Variants in MYO16 observed in about 807,000 individuals in gnomAD.
MYO16 encodes myosin XVI, also known as unconventional myosin-XVI.
MYO16 carries 94 observed loss-of-function variants against 205.3 expected under a neutral mutation model. The ratio of observed to expected loss-of-function variants is 0.46; its 90% CI spans 0.39 to 0.54. The LOEUF (loss-of-function observed/expected upper bound fraction) is 0.54. Among genes scored for constraint, MYO16 ranks in the 20% least tolerant of loss-of-function variants. The pLI, the probability that MYO16 is intolerant of heterozygous loss-of-function variation, is 0.00. For missense variants in MYO16, 2,315 were observed against 2,387.5 expected (o/e 0.97, Z 0.63); for synonymous variants, 988 against 954.0 (o/e 1.04, Z -0.66).
rs1040628753 is a variant in MYO16, at chr13:108,977,616, C to T, written c.2369+12714C>T. Among the ~76,000 whole-genome samples, 6 of 152,186 alleles carry T rather than the reference C, an allele frequency of 3.9e-5. No individual in the cohort carries two copies. In the East Asian group the frequency reaches 1.2e-3, roughly 29 times the overall value. On this transcript the variant is annotated intron_variant, in intron 20 of 34. Transcript: ENST00000457511. ...TTAAAAAAAACCTTTAAATTTTCAG[C>T]ACAGCAGGAAAATTATTGTGTATGT...
chr13:108,890,106 T>A (rs1033116963), intron 14 of MYO16, among the ~76,000 whole-genome samples: 11 of 135,748 alleles, frequency 8.1e-5, no homozygotes, highest in African/African-American at 3.1e-4. Flanking sequence ...ATTTTTGTAT[T>A]TTTTTTTTTT....
chr13:108,817,493 T>G (rs184958470), intron 7 of MYO16, among the ~76,000 whole-genome samples: 116 of 149,116 alleles, frequency 7.8e-4, no homozygotes, highest in African/African-American at 2.8e-3. Context: ...CACTGTGTTT[T>G]CTTGTATGGG....
chr13:108,816,623 G>A (rs1300543027), intron 7 of MYO16, among the ~76,000 whole-genome samples: 1 of 152,144 alleles, frequency 6.6e-6, no homozygotes, highest in Non-Finnish European at 1.5e-5. Flanking sequence ...AATGTCACCT[G>A]ATAATTAACT....
intron 20 of MYO16, among the ~76,000 whole-genome samples, chr13:108,969,316 T>C (rs1253919367): frequency 6.6e-6 from 1 of 152,258 alleles, no homozygotes; most frequent in East Asian, 1.9e-4. Flanking sequence ...TTTTCTAAAA[T>C]TGTTTAGCCT....
At chr13:108,668,646 A>T (rs904912725) in intron 2 of MYO16, among the ~76,000 whole-genome samples, 1 of 152,102 alleles carries the variant, frequency 6.6e-6, no homozygotes, top group African/African-American at 2.4e-5. Context: ...CGGGGCAGGG[A>T]CAGTGCTCCT....
At chr13:109,043,792 G>A (rs1299465327) in intron 23 of MYO16, among the ~76,000 whole-genome samples, 1 of 152,092 alleles carries the variant, frequency 6.6e-6, no homozygotes, top group Non-Finnish European at 1.5e-5. Flanking sequence ...TCTACATAAC[G>A]TGCAGCAGTG....
chr13:109,163,376 G>C (rs1878478604), intron 32 of MYO16, among the ~76,000 whole-genome samples: 1 of 152,120 alleles, frequency 6.6e-6, no homozygotes, highest in South Asian at 2.1e-4. Flanking sequence ...GGCAAGAGGA[G>C]ATAATGTCAA....
At chr13:108,791,008 T>C (rs1217289287) in intron 5 of MYO16, among the ~76,000 whole-genome samples, 1 of 152,250 alleles carries the variant, frequency 6.6e-6, no homozygotes, top group Non-Finnish European at 1.5e-5. Flanking sequence ...AGAGTGACTA[T>C]CAGATTCTTG....
At chr13:108,702,154 A>G (rs1883334417) in intron 2 of MYO16, among the ~76,000 whole-genome samples, 1 of 152,188 alleles carries the variant, frequency 6.6e-6, no homozygotes, top group Non-Finnish European at 1.5e-5. Context: ...CTAATTGGTG[A>G]AAACTTGCTG....
intron 20 of MYO16, among the ~76,000 whole-genome samples, chr13:108,977,470 C>T (rs1277933855): frequency 6.6e-6 from 1 of 152,142 alleles, no homozygotes; most frequent in Non-Finnish European, 1.5e-5. Context: ...ACAAGTTGTG[C>T]CCTGCATCCT....
chr13:108,505,946 A>G, the MYO16 span, among the ~76,000 whole-genome samples: 1 of 151,306 alleles, frequency 6.6e-6, no homozygotes, highest in Admixed American at 6.6e-5. Flanking sequence ...TAGTCTTGGC[A>G]CTTTTGTTGA....
intron 1 of MYO16, among the ~76,000 whole-genome samples, chr13:108,634,185 C>T (rs1435139250): frequency 6.6e-6 from 1 of 152,150 alleles, no homozygotes; most frequent in Non-Finnish European, 1.5e-5. Context: ...GTAGGCACGA[C>T]TGCTCATGCC....
Position 108,990,840 on chromosome 13 carries a change from C to A in MYO16, c.2370-1536C>A, listed in dbSNP as rs576942788. 1.1e-4 allele frequency among the ~76,000 whole-genome samples: 16 copies of A among 152,098 alleles called. No homozygotes were observed. In the East Asian group the frequency reaches 2.7e-3, roughly 26 times the overall value. On this transcript the variant is annotated intron_variant, in intron 20 of 34. Transcript: ENST00000457511. Reference sequence around the variant, plus strand: ...ACTACATTTTTAGAGAAAAAATGGTCATTGAAGTGATGTATTATAGACCCT... The same window carrying A: ...ACTACATTTTTAGAGAAAAAATGGTAATTGAAGTGATGTATTATAGACCCT...
At chr13:108,548,120 G>A in the MYO16 span, among the ~76,000 whole-genome samples, 1,693 of 152,028 alleles carry the variant, frequency 0.011, 12 homozygotes, top group Non-Finnish European at 0.017. Flanking sequence ...TACTTAGCTC[G>A]TTTGTTTTGA....
At chr13:109,197,144 T>C (rs1459500004) in intron 34 of MYO16, among the ~76,000 whole-genome samples, 1 of 152,174 alleles carries the variant, frequency 6.6e-6, no homozygotes. Flanking sequence ...GCCATTCAGA[T>C]CTATTTAGGC....
At chr13:109,071,099 A>G (rs1050551537) in intron 27 of MYO16, among the ~76,000 whole-genome samples, 1 of 152,180 alleles carries the variant, frequency 6.6e-6, no homozygotes, top group Non-Finnish European at 1.5e-5. Flanking sequence ...ATCAGAATCT[A>G]TTCTGGAATA....
chr13:109,027,193 TC>T (rs1389648067), intron 23 of MYO16, among the ~76,000 whole-genome samples: 1 of 152,142 alleles, frequency 6.6e-6, no homozygotes, highest in East Asian at 1.9e-4. Context: ...AGACCCCAGT[TC>T]CTGGCTTGCA....
At chr13:108,528,132 T>A in the MYO16 span, among the ~76,000 whole-genome samples, 1 of 152,198 alleles carries the variant, frequency 6.6e-6, no homozygotes, top group Non-Finnish European at 1.5e-5. Flanking sequence ...GTGACAGGCA[T>A]CTACAGAGGT....
chr13:108,749,314 C>T (rs900888280), intron 4 of MYO16, among the ~76,000 whole-genome samples: 2 of 152,134 alleles, frequency 1.3e-5, no homozygotes, highest in South Asian at 2.1e-4. Flanking sequence ...TCTCAATTCC[C>T]CCAACTCTCA....
Sources: allele counts gnomAD v4.1 joint callset (sites outside exome capture counted in the v4.1 genomes callset), GRCh38; gene constraint gnomAD v4.1.1; transcripts MANE v1.5; gene names NCBI Gene and HGNC (gene_info 2026-07-23, HGNC 2026-07-21).